Variants in DGKB observed in about 807,000 individuals in gnomAD.
DGKB encodes 90 kDa diacylglycerol kinase.
In DGKB, 67 loss-of-function variants were observed where a neutral mutation model predicts 114.3. That is an observed-to-expected ratio of 0.59 (90% CI 0.48 to 0.72). DGKB has a LOEUF of 0.72. DGKB is among the 30% of genes least tolerant of loss of function. DGKB has a pLI of 0.00. For synonymous variants in DGKB, 398 were observed against 323.1 expected, an observed-to-expected ratio of 1.23 and a Z score of -2.49; for missense variants, 907 against 975.2, an observed-to-expected ratio of 0.93 and a Z score of 0.93.
intron 23 of DGKB, among the ~76,000 whole-genome samples, chr7:14,277,619 G>C (rs1450340618): frequency 6.6e-6 from 1 of 152,132 alleles, no homozygotes; most frequent in South Asian, 2.1e-4. Flanking sequence ...AGGCTGAATA[G>C]TATTTTATTG....
At chr7:14,642,241 T>C (rs1191353075) in intron 13 of DGKB, among the ~76,000 whole-genome samples, 1 of 152,154 alleles carries the variant, frequency 6.6e-6, no homozygotes, top group Non-Finnish European at 1.5e-5. Context: ...AAAGTAAATG[T>C]TTTCTTTAGT....
At chr7:14,434,539 C>T (rs371061276) in intron 21 of DGKB, among the ~76,000 whole-genome samples, 72 of 152,210 alleles carry the variant, frequency 4.7e-4, no homozygotes, top group African/African-American at 1.7e-3. Flanking sequence ...TGCTGGAAAA[C>T]ATACAAAAGT....
At chr7:14,948,582 T>C (rs940540066) in intron 1 of DGKB, among the ~76,000 whole-genome samples, 2 of 151,964 alleles carry the variant, frequency 1.3e-5, no homozygotes, top group Middle Eastern at 3.4e-3. Context: ...ATCTTTCACA[T>C]TAATCTAAAG....
intron 21 of DGKB, among the ~76,000 whole-genome samples, chr7:14,378,672 C>G (rs1400816978): frequency 1.3e-5 from 2 of 151,948 alleles, no homozygotes; most frequent in Non-Finnish European, 2.9e-5. Flanking sequence ...CATCAAATGC[C>G]TCAGCCTATA....
intron 23 of DGKB, among the ~76,000 whole-genome samples, chr7:14,253,244 A>C (rs1274304253): frequency 5.3e-5 from 8 of 152,022 alleles, no homozygotes; most frequent in Non-Finnish European, 1.2e-4. Flanking sequence ...CATATTGGCC[A>C]GGCTGGTCTC....
At chr7:14,362,823 G>A (rs1167194441) in intron 21 of DGKB, among the ~76,000 whole-genome samples, 2 of 152,042 alleles carry the variant, frequency 1.3e-5, no homozygotes, top group East Asian at 1.9e-4. Flanking sequence ...TAACGGGCAC[G>A]AGTTCTTCCC....
chr7:14,198,696 G>T (rs1289203245), intron 23 of DGKB, among the ~76,000 whole-genome samples: 1 of 151,942 alleles, frequency 6.6e-6, no homozygotes, highest in Non-Finnish European at 1.5e-5. Context: ...AAATAGAAGA[G>T]ATATCAAAAT....
chr7:14,868,208 A>T (rs1851953966), intron 1 of DGKB, among the ~76,000 whole-genome samples: 1 of 152,108 alleles, frequency 6.6e-6, no homozygotes, highest in Non-Finnish European at 1.5e-5. Context: ...TTTGTGGAAA[A>T]ATACAGAGGC....
rs1480765381 is a variant in DGKB at position 14,825,016 on chromosome 7, G to GTGTGTA, written c.70+16177_70+16178insTACACA. 1.9e-3 allele frequency among the ~76,000 whole-genome samples: 174 copies of GTGTGTA among 92,398 alleles called. 3 individuals carry two copies. The highest frequency in any genetic ancestry group is 5.4e-3 in the African/African-American group (160 of 29,598). The allele number at this position is 92,398 out of a possible 152,430, so 60.6% of individuals were successfully genotyped here. A position where few individuals can be genotyped will look rare whatever the true frequency, so the allele number is the denominator to read the frequency against. ...TGTGTATATATATATGTATGTGTAT[G>GTGTGTA]TATATATATATATATATATATATAT... On this transcript the variant is annotated intron_variant, in intron 2 of 25. Transcript: ENST00000402815.
At chr7:14,969,880 C>T (rs73290606) in intron 1 of DGKB, among the ~76,000 whole-genome samples, 3,309 of 152,234 alleles carry the variant, frequency 0.022, 106 homozygotes, top group African/African-American at 0.069. Flanking sequence ...TATTGAAACA[C>T]ATCTAAACAT....
chr7:14,208,641 G>A (rs1787227963), intron 23 of DGKB, among the ~76,000 whole-genome samples: 3 of 151,864 alleles, frequency 2.0e-5, no homozygotes, highest in East Asian at 1.9e-4. Context: ...AATTCAAAAC[G>A]AGAATAGTTG....
chr7:14,412,464 T>C (rs1184152797), intron 21 of DGKB, among the ~76,000 whole-genome samples: 1 of 151,846 alleles, frequency 6.6e-6, no homozygotes, highest in African/African-American at 2.4e-5. Context: ...AAGACATACA[T>C]AGCAAAAAGG....
At chr7:14,681,759 A>G (rs181600993) in intron 12 of DGKB, among the ~76,000 whole-genome samples, 2 of 152,220 alleles carry the variant, frequency 1.3e-5, no homozygotes, top group African/African-American at 4.8e-5. Flanking sequence ...CCATCTAACA[A>G]CTGCATTCAT....
At chr7:14,656,420 C>T (rs11977069) in intron 13 of DGKB, among the ~76,000 whole-genome samples, 7,978 of 150,814 alleles carry the variant, frequency 0.053, 315 homozygotes, top group African/African-American at 0.11. Flanking sequence ...TTGAGGTCAG[C>T]GAAGAAAATT....
chr7:14,789,912 G>C (rs1008511200), intron 2 of DGKB, among the ~76,000 whole-genome samples: 3 of 152,150 alleles, frequency 2.0e-5, no homozygotes, highest in African/African-American at 7.2e-5. Context: ...CCCACCAGCA[G>C]AGGATGACTG....
intron 1 of DGKB, among the ~76,000 whole-genome samples, chr7:14,887,399 C>G (rs956898441): frequency 1.3e-5 from 2 of 151,792 alleles, no homozygotes; most frequent in African/African-American, 4.8e-5. Context: ...CTGCAGATTT[C>G]TCTACCTCTT....
intron 20 of DGKB, among the ~76,000 whole-genome samples, chr7:14,573,930 A>AT (rs1366459299): frequency 1.3e-5 from 2 of 152,128 alleles, no homozygotes; most frequent in East Asian, 3.8e-4. Flanking sequence ...TCTAAGCTTC[A>AT]TTTTAGTAAC....
At chr7:14,914,320 A>C (rs1424218975) in intron 1 of DGKB, among the ~76,000 whole-genome samples, 1 of 152,200 alleles carries the variant, frequency 6.6e-6, no homozygotes, top group African/African-American at 2.4e-5. Context: ...AGATTTAATC[A>C]TAAGATTATA....
At chr7:14,686,895 T>G (rs1821796782) in intron 9 of DGKB, among the ~76,000 whole-genome samples, 1 of 152,154 alleles carries the variant, frequency 6.6e-6, no homozygotes, top group African/African-American at 2.4e-5. Context: ...CAAAGATGTT[T>G]GAGTAACAAA....
Sources: gnomAD v4.1 joint callset for allele counts (sites outside exome capture counted in the v4.1 genomes callset) on GRCh38, gnomAD v4.1.1 for gene constraint, MANE v1.5 for transcripts, NCBI Gene and HGNC (gene_info 2026-07-23, HGNC 2026-07-21) for gene names.